Variants in PTCH1 observed in about 807,000 individuals in gnomAD.
PTCH1 encodes protein patched homolog 1.
A neutral mutation model predicts 144.6 loss-of-function variants in PTCH1; 14 were observed. That is an observed-to-expected ratio of 0.10 (90% confidence interval 0.06 to 0.15). The LOEUF (loss-of-function observed/expected upper bound fraction) is 0.15, where lower values mean the gene tolerates loss of function less well. Ranked by LOEUF, PTCH1 falls within the 10% of genes least tolerant of loss-of-function variation. The pLI, the probability that PTCH1 is intolerant of heterozygous loss-of-function variation, is 1.00. For missense variants in PTCH1, 1,623 were observed against 1,948.3 expected (o/e 0.83, Z 3.14); for synonymous variants, 833 against 793.6 (o/e 1.05, Z -0.83).
At chr9:95,467,031 A>AC in intron 15 of PTCH1, 85 bp downstream of exon 15, 1 of 1,427,442 alleles carries the variant, frequency 7.0e-7, no homozygotes, top group Non-Finnish European at 9.8e-7. Flanking sequence ...TTCTAATCTA[A>AC]CGCTCTCATA....
At position 95,508,550 on chromosome 9, in the gene PTCH1, TGCTGCC is replaced by T. The variant is rs1843940380; in HGVS notation, c.-195_-190del. On this transcript the variant is annotated 5_prime_UTR_variant, in exon 1 of 24. Transcript: ENST00000331920. ...CTGCTGCTGCTCACACGGCGGGCGC[TGCTGCC>T]GCTGCGGCCGCGGCCGCTGCCGGGG... 3.0e-6 allele frequency: 3 copies of T among 1,006,676 alleles called. No homozygotes were observed. The highest frequency in any genetic ancestry group is 3.6e-6 in the Non-Finnish European group (3 of 844,050). The allele number at this position is 1,006,676 out of a possible 1,614,324, so 62.4% of individuals were successfully genotyped here.
At chr9:95,484,941 C>T (rs994099412) in intron 3 of PTCH1, among the ~76,000 whole-genome samples, 1 of 152,282 alleles carries the variant, frequency 6.6e-6, no homozygotes, top group East Asian at 1.9e-4. Flanking sequence ...CATGGTGGCT[C>T]ACGCTTGTAA....
chr9:95,447,479 G>C (rs750815744), intron 22 of PTCH1, 28 bp from the exon 23 acceptor site: 29 of 1,525,098 alleles, frequency 1.9e-5, no homozygotes, highest in Non-Finnish European at 2.5e-5. Context: ...GGGTTAGAAG[G>C]GTGGTATCCC....
chr9:95,481,594 T>C (rs1288457020), intron 5 of PTCH1, among the ~76,000 whole-genome samples: 1 of 152,210 alleles, frequency 6.6e-6, no homozygotes, highest in Non-Finnish European at 1.5e-5. Context: ...CACTCACTAA[T>C]AAAGTCTCTC....
chr9:95,505,425 G>C (rs1336911373), intron 2 of PTCH1, among the ~76,000 whole-genome samples: 1 of 152,094 alleles, frequency 6.6e-6, no homozygotes, highest in African/African-American at 2.4e-5. Flanking sequence ...TTGCCAAAAA[G>C]ATAAATAAGA....
chr9:95,450,049 C>T (rs572616926), intron 20 of PTCH1, 109 bp from the exon 21 acceptor site: 18 of 991,672 alleles, frequency 1.8e-5, no homozygotes, highest in African/African-American at 3.2e-5. Context: ...ACAAAACCCA[C>T]CCCACTGAAA....
Position 95,476,182 on chromosome 9 carries a change from C to T in PTCH1, c.1603-23G>A, listed in dbSNP as rs770798142. On this transcript the variant is annotated intron_variant, in intron 11 of 23. Coordinates refer to ENST00000331920, the MANE Select transcript of PTCH1 (RefSeq NM_000264.5). The surrounding 1 kb of genome is among the most constrained non-coding windows in gnomAD (Gnocchi z 4.6). ...GTCCTGGGAATAAAAAAACACAGCG[C>T]TGAGAGCTGCACTGGACATGGTCCC... 1 of 1,604,762 alleles carries T rather than the reference C, an allele frequency of 6.2e-7. No individual in the cohort carries two copies. Among genetic ancestry groups the T allele is most frequent in the South Asian group, 1.1e-5 (1 of 89,518 alleles).
At chr9:95,459,818 T>G (rs1360720149) in intron 16 of PTCH1, 35 bp from the exon 17 acceptor site, 1 of 1,609,588 alleles carries the variant, frequency 6.2e-7, no homozygotes, top group Non-Finnish European at 8.5e-7. Flanking sequence ...CCTTTGAGAA[T>G]GGGGTTGGGG....
At chr9:95,511,435 C>G (rs546966090), upstream of PTCH1, among the ~76,000 whole-genome samples, 251 of 152,334 alleles carry the variant, frequency 1.6e-3, no homozygotes, top group African/African-American at 5.6e-3. Context: ...GTGCCGGGGT[C>G]AGGGCGGGAT....
In PTCH1 at chr9:95,476,310, C is replaced by T; in HGVS notation, c.1603-151G>A. 9.1e-7 allele frequency: 1 copy of T among 1,095,728 alleles called. No individual in the cohort carries two copies. The highest frequency in any genetic ancestry group is 1.4e-5 in the South Asian group (1 of 73,178). 67.9% of individuals were successfully genotyped at this position (1,095,728 alleles called of 1,614,324 possible). On this transcript the variant is annotated intron_variant, in intron 11 of 23. Coordinates refer to ENST00000331920, the MANE Select transcript of PTCH1 (RefSeq NM_000264.5). This position sits in a 1 kb window ranked among gnomAD's most constrained non-coding sequence, Gnocchi z 4.6. ...GGAAACAGAGCCACCTGCCTTACCC[C>T]CTAACACCAGCATTATTCAGTACCA...
chr9:95,507,281 C>T (rs1587696598), intron 1 of PTCH1: 2 of 985,500 alleles, frequency 2.0e-6, no homozygotes, highest in Non-Finnish European at 2.4e-6. Context: ...CCCTCCTCTC[C>T]CTTCCTTTCT....
At position 95,476,917 on chromosome 9, in the gene PTCH1, A is replaced by G. The variant is rs776421152; in HGVS notation, c.1504-60T>C. On this transcript the variant is annotated intron_variant, in intron 10 of 23. Coordinates refer to ENST00000331920, the MANE Select transcript of PTCH1 (RefSeq NM_000264.5). This position sits in a 1 kb window ranked among gnomAD's most constrained non-coding sequence, Gnocchi z 4.6. ...TGCGAGATGCAATTCAGATGATTCT[A>G]AAGCTAGTTAGGACTCTGCCACCAG... The G allele has an allele frequency of 8.4e-5, 127 of 1,510,910 alleles. No individual in the cohort carries two copies. Among genetic ancestry groups the G allele is most frequent in the Non-Finnish European group, 1.1e-4 (124 of 1,097,018 alleles). 93.6% of individuals were successfully genotyped at this position (1,510,910 alleles called of 1,614,324 possible).
chr9:95,490,320 A>T (rs1842294259), intron 2 of PTCH1, among the ~76,000 whole-genome samples: 1 of 151,760 alleles, frequency 6.6e-6, no homozygotes, highest in African/African-American at 2.4e-5. Context: ...TACAAATAAA[A>T]AGTTAAAGAA....
chr9:95,504,427 C>T (rs1369124565), intron 2 of PTCH1, among the ~76,000 whole-genome samples: 1 of 152,230 alleles, frequency 6.6e-6, no homozygotes, highest in Non-Finnish European at 1.5e-5. Flanking sequence ...CACATTCTAT[C>T]TCCTTCAACA....
chr9:95,459,513 T>A, intron 17 of PTCH1, 87 bp downstream of exon 17: 3 of 1,495,122 alleles, frequency 2.0e-6, no homozygotes, highest in Non-Finnish European at 2.8e-6. Flanking sequence ...CTGGGTAGCG[T>A]CAACGGATGA....
intron 2 of PTCH1, among the ~76,000 whole-genome samples, chr9:95,487,875 A>AC (rs1440334584): frequency 6.6e-6 from 1 of 151,926 alleles, no homozygotes; most frequent in African/African-American, 2.4e-5. Flanking sequence ...AACAAAGCAC[A>AC]CCCCCCACCC....
At position 95,506,658 on chromosome 9, in the gene PTCH1, G is replaced by A; in HGVS notation, c.202-59C>T. 2.7e-6 allele frequency: 4 copies of A among 1,461,952 alleles called. No homozygotes were observed. The South Asian group carries it at 4.1e-5, about 15-fold the overall frequency. The allele number at this position is 1,461,952 out of a possible 1,614,324, so 90.6% of individuals were successfully genotyped here. On this transcript the variant is annotated intron_variant, in intron 1 of 23. Coordinates refer to ENST00000331920, the MANE Select transcript of PTCH1 (RefSeq NM_000264.5). ...GGGGAGTCGCGGCCCGCGCGCCCAC[G>A]CCCGCTTGCGCGCACCCGCCCGGTG...
Position 95,470,791 on chromosome 9 carries a change from G to A in PTCH1, c.1729-860C>T, listed in dbSNP as rs546718207. ...AGACATGGCTTTGAAAATAAAAAAC[G>A]AGGCCAGGCGCGGTGGCTCACGCCT... On this transcript the variant is annotated intron_variant, in intron 12 of 23. Transcript: ENST00000331920. Among the ~76,000 whole-genome samples the A allele has an allele frequency of 1.1e-3, 163 of 152,240 alleles. 1 individual carries two copies. The highest frequency in any genetic ancestry group is 3.7e-3 in the African/African-American group (154 of 41,556).
chr9:95,494,431 G>A (rs1290479828), intron 2 of PTCH1: 3 of 985,390 alleles, frequency 3.0e-6, no homozygotes, highest in Non-Finnish European at 2.4e-6. Flanking sequence ...GGCAAATGAG[G>A]GCTGTGCACC....
Sources: gnomAD v4.1 joint callset for allele counts (sites outside exome capture counted in the v4.1 genomes callset) on GRCh38, gnomAD v4.1.1 for gene constraint, Gnocchi (gnomAD v3.1) non-coding constraint, MANE v1.5 for transcripts, NCBI Gene and HGNC (gene_info 2026-07-23, HGNC 2026-07-21) for gene names.